RARB: variants seen among roughly 807,000 people sequenced by gnomAD.
The protein encoded by RARB is retinoic acid receptor beta.
A neutral mutation model predicts 51.9 loss-of-function variants in RARB; 17 were observed. The ratio of observed to expected loss-of-function variants is 0.33; its 90% confidence interval spans 0.22 to 0.49. The LOEUF is 0.49. RARB is among the 20% of genes least tolerant of loss of function. The pLI is 0.99. For synonymous variants in RARB, 215 were observed against 195.4 expected, an observed-to-expected ratio of 1.10 and a Z score of -0.84; for missense variants, 369 against 550.8, an observed-to-expected ratio of 0.67 and a Z score of 3.30.
chr3:25,254,770 G>T (rs1321992514), intron 5 of RARB, among the ~76,000 whole-genome samples: 1 of 152,072 alleles, frequency 6.6e-6, no homozygotes, highest in South Asian at 2.1e-4. Context: ...AATGAAATAG[G>T]ATAAAGAAGA....
chr3:25,210,376 A>G (rs1253588781), intron 5 of RARB, among the ~76,000 whole-genome samples: 1 of 151,994 alleles, frequency 6.6e-6, no homozygotes, highest in Non-Finnish European at 1.5e-5. Flanking sequence ...GGCCAAATCC[A>G]TTGTGTATGC....
intron 2 of RARB, among the ~76,000 whole-genome samples, chr3:24,956,021 C>G (rs6780762): frequency 1.6e-4 from 25 of 151,946 alleles, no homozygotes; most frequent in Non-Finnish European, 3.1e-4. Context: ...AGGCTGTCTT[C>G]GTCAGATTAG....
At chr3:25,054,667 A>G (rs1456036371) in intron 2 of RARB, among the ~76,000 whole-genome samples, 1 of 152,192 alleles carries the variant, frequency 6.6e-6, no homozygotes, top group Non-Finnish European at 1.5e-5. Context: ...GAAACTGTGG[A>G]TGCTGAGTAG....
intron 2 of RARB, among the ~76,000 whole-genome samples, chr3:25,015,827 A>G (rs565444732): frequency 1.3e-4 from 20 of 152,360 alleles, no homozygotes; most frequent in African/African-American, 4.8e-4. Flanking sequence ...TAGTGAGAAC[A>G]AATAGCTGAT....
rs148100190 is a variant in RARB at position 24,963,273 on chromosome 3, G to T, written c.-379-96852G>T. On this transcript the variant is annotated intron_variant, in intron 2 of 11. Coordinates refer to the RARB transcript ENST00000383772. ...AGCTCTGGGCAAGTTCCTTTGCAAC[G>T]TCAAGCAAAGGAGTGCATTGATATA... Among the ~76,000 whole-genome samples, 1,150 of 151,910 alleles carry T rather than the reference G, an allele frequency of 7.6e-3. 14 individuals are homozygous for T. Among genetic ancestry groups the T allele is most frequent in the African/African-American group, 0.027 (1,106 of 41,398 alleles).
chr3:24,957,568 G>T (rs992968658), intron 2 of RARB, among the ~76,000 whole-genome samples: 2 of 152,194 alleles, frequency 1.3e-5, no homozygotes, highest in Non-Finnish European at 2.9e-5. Flanking sequence ...GTAAAGCTAT[G>T]ATTATTTACA....
At chr3:24,973,877 A>G (rs4378933) in intron 2 of RARB, among the ~76,000 whole-genome samples, 74,127 of 151,812 alleles carry the variant, frequency 0.49, 18,525 homozygotes, top group Admixed American at 0.6. Flanking sequence ...TTTAAAATGT[A>G]AGATTATGTC....
chr3:25,289,005 G>A (rs1444176235), intron 5 of RARB, among the ~76,000 whole-genome samples: 1 of 152,180 alleles, frequency 6.6e-6, no homozygotes, highest in African/African-American at 2.4e-5. Context: ...AACCAATGAT[G>A]ATAACTCATT....
intron 2 of RARB, among the ~76,000 whole-genome samples, chr3:25,500,301 C>G (rs929887852): frequency 2.6e-5 from 4 of 152,080 alleles, no homozygotes; most frequent in African/African-American, 9.7e-5. Flanking sequence ...TGGGCAGACA[C>G]TCATTTTTAT....
intron 3 of RARB, among the ~76,000 whole-genome samples, chr3:25,130,693 T>G (rs1342968738): frequency 6.6e-6 from 1 of 151,890 alleles, no homozygotes; most frequent in Non-Finnish European, 1.5e-5. Flanking sequence ...GTGTCACTTT[T>G]TATAGTTACT....
intron 1 of RARB, among the ~76,000 whole-genome samples, chr3:25,458,952 A>G (rs909653516): frequency 8.5e-5 from 13 of 152,318 alleles, no homozygotes; most frequent in African/African-American, 3.1e-4. Context: ...GTGCTAATTC[A>G]ACAAATATTT....
chr3:24,969,173 T>C (rs1575097021), intron 2 of RARB, among the ~76,000 whole-genome samples: 1 of 152,140 alleles, frequency 6.6e-6, no homozygotes, highest in East Asian at 1.9e-4. Context: ...TAGAAGTGTT[T>C]GTATTTGCCA....
intron 2 of RARB, among the ~76,000 whole-genome samples, chr3:24,988,760 T>C (rs1696848203): frequency 6.6e-6 from 1 of 152,238 alleles, no homozygotes; most frequent in South Asian, 2.1e-4. Context: ...TGATCTGTTA[T>C]GTGACATTAC....
intron 2 of RARB, among the ~76,000 whole-genome samples, chr3:24,890,100 G>GGCT (rs1703348910): frequency 6.6e-6 from 1 of 152,106 alleles, no homozygotes; most frequent in African/African-American, 2.4e-5. Context: ...GTGTGACTTA[G>GGCT]GCTTACTACT....
chr3:25,322,845 G>C (rs1250299976), intron 5 of RARB, among the ~76,000 whole-genome samples: 3 of 152,148 alleles, frequency 2.0e-5, no homozygotes, highest in African/African-American at 7.2e-5. Flanking sequence ...GCTCTAAATA[G>C]TTCTAAAGAG....
intron 5 of RARB, among the ~76,000 whole-genome samples, chr3:25,274,002 C>T (rs1024901528): frequency 6.6e-6 from 1 of 152,172 alleles, no homozygotes; most frequent in African/African-American, 2.4e-5. Flanking sequence ...TGTCCCCACC[C>T]TGGGATGGTT....
At chr3:25,323,609 A>G (rs1704631824) in intron 5 of RARB, among the ~76,000 whole-genome samples, 1 of 152,198 alleles carries the variant, frequency 6.6e-6, no homozygotes, top group African/African-American at 2.4e-5. Context: ...TGTATATTTC[A>G]TCCATTTTGA....
chr3:25,385,890 A>T (rs1350525998), intron 5 of RARB, among the ~76,000 whole-genome samples: 3 of 152,134 alleles, frequency 2.0e-5, no homozygotes, highest in Non-Finnish European at 4.4e-5. Flanking sequence ...ACTCTCACAG[A>T]TACACCGTGA....
chr3:24,873,140 T>C (rs912702478), intron 2 of RARB, among the ~76,000 whole-genome samples: 1 of 152,258 alleles, frequency 6.6e-6, no homozygotes. Flanking sequence ...ATTTGGCCCA[T>C]GCCCTGTGCT....
Sources: gnomAD v4.1 joint callset for allele counts (sites outside exome capture counted in the v4.1 genomes callset) on GRCh38, gnomAD v4.1.1 for gene constraint, MANE v1.5 for transcripts, NCBI Gene and HGNC (gene_info 2026-07-23, HGNC 2026-07-21) for gene names.